ANKRD24: variants seen among roughly 807,000 people sequenced by gnomAD.
ANKRD24 encodes the protein ankyrin repeat domain-containing protein 24.
In ANKRD24, 109 loss-of-function variants were observed where a neutral mutation model predicts 127.8. The observed-to-expected ratio is 0.85, with a 90% CI of 0.73 to 1.00. ANKRD24 has a LOEUF of 1.00. Ranked by LOEUF, ANKRD24 falls within the 50% of genes least tolerant of loss-of-function variation. ANKRD24 has a pLI of 0.00. For missense variants in ANKRD24, 1,648 were observed against 1,570.2 expected (o/e 1.05, Z -0.84); for synonymous variants, 743 against 671.1 (o/e 1.11, Z -1.66).
At position 4,202,863 on chromosome 19, in the gene ANKRD24, C is replaced by A. The variant is rs780497315; in HGVS notation, c.409-6C>A. On this transcript the variant is annotated splice_region_variant and splice_polypyrimidine_tract_variant and intron_variant, in intron 6 of 21. Transcript: ENST00000318934. The stretch of plus-strand genomic sequence containing the variant: ...CTCCGCCTCAAAGGACTCGCCCCAT[C>A]CCCAGGCTTCCTGCGTGGTGGACGT... 4 of 1,586,798 alleles carry A rather than the reference C, an allele frequency of 2.5e-6. No individual in the cohort carries two copies. Among genetic ancestry groups the A allele is most frequent in the East Asian group, 4.6e-5 (2 of 43,168 alleles).
In ANKRD24 at chr19:4,195,060, T is replaced by TTTTGTTTGTTTGTTTG. The variant is rs139221641; in HGVS notation, c.37-4611_37-4596dup. On this transcript the variant is annotated intron_variant, in intron 2 of 21. Coordinates refer to ENST00000318934, the MANE Select transcript of ANKRD24 (RefSeq NM_001393985.1). The surrounding 1 kb of genome is among the most constrained non-coding windows in gnomAD (Gnocchi z 4.2). ...TCGGCGTGAGCCACCGCGCCCAGGTTTTTGTTTGTTTGTTTGTTTGTTTGT... is the reference window on the plus strand; with the variant it reads ...TCGGCGTGAGCCACCGCGCCCAGGTTTTTGTTTGTTTGTTTGTTTGTTTGTTTGTTTGTTTGTTTGT... 0.072 allele frequency among the ~76,000 whole-genome samples: 10,671 copies of TTTTGTTTGTTTGTTTG among 148,438 alleles called. 690 individuals are homozygous for TTTTGTTTGTTTGTTTG. Among genetic ancestry groups the TTTTGTTTGTTTGTTTG allele is most frequent in the East Asian group, 0.28 (1,372 of 4,892 alleles).
At chr19:4,202,518 C>T (rs1297132721) in intron 6 of ANKRD24, among the ~76,000 whole-genome samples, 1 of 151,868 alleles carries the variant, frequency 6.6e-6, no homozygotes, top group Non-Finnish European at 1.5e-5. Context: ...TGCAGTGAGC[C>T]GAGATCATGC....
intron 15 of ANKRD24, among the ~76,000 whole-genome samples, chr19:4,215,764 G>A (rs1158809452): frequency 2.0e-5 from 2 of 98,808 alleles, no homozygotes; most frequent in African/African-American, 8.3e-5. Flanking sequence ...GACAGAGTAA[G>A]ACCCTGGCTC....
Position 4,200,161 on chromosome 19 carries a change from G to A in ANKRD24, c.333G>A (p.Ala111=), listed in dbSNP as rs769615093. The A allele has an allele frequency of 5.6e-6, 9 of 1,601,910 alleles. No homozygotes were observed. The highest frequency in any genetic ancestry group is 1.7e-4 in the Middle Eastern group (1 of 5,718). Residue 111 remains alanine, a synonymous_variant, in exon 5 of 22, where the codon GCG becomes GCA. Coordinates refer to ENST00000318934, the MANE Select transcript of ANKRD24 (RefSeq NM_001393985.1). ...CTCATGGCAGCAATGTCATGAGCGC[G>A]GACGGGGCAGGTACTGCCAGCTGGG... is the stretch of plus-strand genomic sequence containing the variant. ...MIAHGSNVMS[A]DGAGYNALHL...
Position 4,194,743 on chromosome 19 carries a change from C to T in ANKRD24, c.37-4940C>T, listed in dbSNP as rs534134525. 2.6e-5 allele frequency among the ~76,000 whole-genome samples: 4 copies of T among 152,226 alleles called. No individual in the cohort carries two copies. The South Asian group carries it at 8.3e-4, about 32-fold the overall frequency. On this transcript the variant is annotated intron_variant, in intron 2 of 21. Transcript: ENST00000318934. ...GAGGCTGAAGAAGAAAGATGCATCC[C>T]AGAGGCAGAACCTGCAGTGATGGGG...
At chr19:4,221,696 C>T (rs1161798620) in intron 19 of ANKRD24, among the ~76,000 whole-genome samples, 1 of 152,156 alleles carries the variant, frequency 6.6e-6, no homozygotes, top group Non-Finnish European at 1.5e-5. Flanking sequence ...ACTGTGGGAC[C>T]TTAGACCAGA....
At position 4,210,332 on chromosome 19, in the gene ANKRD24, T is replaced by G. The variant is rs778957687; in HGVS notation, c.1019T>G (p.Ile340Ser). The change falls in exon 13 of 22, where the codon ATC becomes AGC. Residue 340 changes from isoleucine to serine, a missense_variant. Ile to Ser is a moderately radical substitution (Grantham distance 142). Transcript: ENST00000318934. ...RQERGRLLQK[I>S]RGLEQHKERR... ...GAGAGGGGCCGCCTCCTGCAGAAGA[T>G]CCGGGGCCTGGAACAGCACAAGGAA... 6.3e-7 allele frequency: 1 copy of G among 1,577,236 alleles called. No homozygotes were observed. The highest frequency in any genetic ancestry group is 8.6e-7 in the Non-Finnish European group (1 of 1,162,168).
intron 2 of ANKRD24, among the ~76,000 whole-genome samples, chr19:4,196,007 C>CA (rs1968713499): frequency 6.6e-6 from 1 of 152,226 alleles, no homozygotes; most frequent in Non-Finnish European, 1.5e-5. Context: ...GGACACTTGC[C>CA]AGTGTTGGGA....
At chr19:4,213,636 T>G (rs769895063) in intron 15 of ANKRD24, among the ~76,000 whole-genome samples, 33 of 151,800 alleles carry the variant, frequency 2.2e-4, no homozygotes, top group Non-Finnish European at 2.8e-4. Context: ...TTGTATTTTT[T>G]GGGGAGTGGG....
At chr19:4,184,614 C>G (rs977229059) in intron 1 of ANKRD24, among the ~76,000 whole-genome samples, 1 of 152,224 alleles carries the variant, frequency 6.6e-6, no homozygotes, top group African/African-American at 2.4e-5. Flanking sequence ...CTCCCTCCCC[C>G]AAGCCCACGG....
Position 4,217,953 on chromosome 19 carries a change from C to T in ANKRD24, c.2793C>T (p.Gly931=). Residue 931 remains glycine, a synonymous_variant, in exon 18 of 22, where the codon GGC becomes GGT. Coordinates refer to ENST00000318934, the MANE Select transcript of ANKRD24 (RefSeq NM_001393985.1). ...AGGAGGAGGCCCTGGAGCTGCGGGGCCGGGCAGCCAGTCTGGAGCAGGAGG... is the reference window on the plus strand; with the variant it reads ...AGGAGGAGGCCCTGGAGCTGCGGGGTCGGGCAGCCAGTCTGGAGCAGGAGG... The part of the protein sequence containing the change: ...RLQEEALELR[G]RAASLEQEVV... 1 of 1,508,634 alleles carries T rather than the reference C, an allele frequency of 6.6e-7. No individual in the cohort carries two copies. Among genetic ancestry groups the T allele is most frequent in the Non-Finnish European group, 8.8e-7 (1 of 1,136,142 alleles). The allele number at this position is 1,508,634 out of a possible 1,614,324, so 93.5% of individuals were successfully genotyped here.
At chr19:4,207,138 G>C in intron 7 of ANKRD24, 104 bp from the exon 8 acceptor site, 1 of 791,700 alleles carries the variant, frequency 1.3e-6, no homozygotes. Context: ...GGCCCAGGTT[G>C]GTCTCAAACT....
At chr19:4,222,855 A>T in intron 20 of ANKRD24, 60 bp downstream of exon 20, 1 of 1,506,036 alleles carries the variant, frequency 6.6e-7, no homozygotes, top group Non-Finnish European at 8.9e-7. Context: ...CCAAATATTT[A>T]CCAATCAGCA....
rs1270419726 is a variant in ANKRD24 at position 4,224,158 on chromosome 19, C to T, written c.3329C>T (p.Ala1110Val). ...GCCAGGGACCACTCCAGCGTGGTGG[C>T]TTTGTACAGAAGCCACCTCCTATAT... ...EAARDHSSVV[A>V]LYRSHLLYAI... The change falls in exon 21 of 22, where the codon GCT becomes GTT. Residue 1110 changes from alanine to valine, a missense_variant. Coordinates refer to ENST00000318934, the MANE Select transcript of ANKRD24 (RefSeq NM_001393985.1). 1 of 1,612,480 alleles carries T rather than the reference C, an allele frequency of 6.2e-7. No homozygotes were observed. Among genetic ancestry groups the T allele is most frequent in the African/African-American group, 1.3e-5 (1 of 74,888 alleles).
rs867073121 is a variant in ANKRD24 at position 4,218,096 on chromosome 19, C to G, written c.2936C>G (p.Ala979Gly). ...RIVGTLQANV[A>G]QLEGQLEELG... ...GTGGGCACCCTGCAGGCCAACGTGG[C>G]CCAGCTGGAGGGGCAGCTGGAGGAG... Residue 979 changes from alanine to glycine, a missense_variant, in exon 18 of 22, where the codon GCC (alanine) becomes GGC (glycine). By Grantham distance (60) the Ala-to-Gly change is moderately conservative. Transcript: ENST00000318934. The G allele has an allele frequency of 6.5e-7, 1 of 1,545,002 alleles. No individual in the cohort carries two copies. The highest frequency in any genetic ancestry group is 1.4e-5 in the African/African-American group (1 of 70,892).
At chr19:4,210,218 G>C in intron 12 of ANKRD24, 47 bp from the exon 13 acceptor site, 1 of 1,561,550 alleles carries the variant, frequency 6.4e-7, no homozygotes. Context: ...ACCTGGGATG[G>C]GGCAACCTTA....
At chr19:4,200,440 G>A (rs1355854167) in intron 5 of ANKRD24, among the ~76,000 whole-genome samples, 1 of 152,132 alleles carries the variant, frequency 6.6e-6, no homozygotes, top group East Asian at 1.9e-4. Context: ...GGTTCAGTTG[G>A]ATGGGGAAGT....
Position 4,216,579 on chromosome 19 carries a change from A to G in ANKRD24, c.1419A>G (p.Thr473=), listed in dbSNP as rs1296392857. 1.2e-6 allele frequency: 2 copies of G among 1,611,604 alleles called. No individual in the cohort carries two copies. Among genetic ancestry groups the G allele is most frequent in the Non-Finnish European group, 1.7e-6 (2 of 1,178,900 alleles). The change falls in exon 18 of 22, where the codon ACA becomes ACG. Residue 473 remains threonine, a synonymous_variant. Coordinates refer to ENST00000318934, the MANE Select transcript of ANKRD24 (RefSeq NM_001393985.1). ...QILENFEKDE[T]QMEVEALAEV... ...TGGAGAACTTTGAGAAGGACGAGAC[A>G]CAGATGGAAGTGGAAGCTTTGGCAG... is the stretch of plus-strand genomic sequence containing the variant.
At chr19:4,213,429 C>T (rs56120512) in intron 15 of ANKRD24, among the ~76,000 whole-genome samples, 39,292 of 138,474 alleles carry the variant, frequency 0.28, 6,596 homozygotes, top group African/African-American at 0.47. Flanking sequence ...TCCTTCCTTT[C>T]TTCTCTCTTT....
Sources: allele counts gnomAD v4.1 joint callset (sites outside exome capture counted in the v4.1 genomes callset), GRCh38; gene constraint gnomAD v4.1.1; non-coding constraint Gnocchi (gnomAD v3.1); transcripts MANE v1.5; gene names NCBI Gene and HGNC (gene_info 2026-07-23, HGNC 2026-07-21).